The following CADM2 variants were observed in gnomAD, a reference collection of about 807,000 sequenced individuals.
CADM2 encodes cell adhesion molecule 2.
In CADM2, 12 loss-of-function variants were observed where a neutral mutation model predicts 49.8. The ratio of observed to expected loss-of-function variants is 0.24; its 90% CI spans 0.15 to 0.39. The LOEUF (loss-of-function observed/expected upper bound fraction) is 0.39, where lower values mean the gene tolerates loss of function less well. CADM2 is among the 10% of genes least tolerant of loss of function. The pLI, the probability that CADM2 is intolerant of heterozygous loss-of-function variation, is 1.00. For synonymous variants in CADM2, 214 were observed against 175.4 expected (o/e 1.22, Z -1.74); for missense variants, 378 against 492.3 (o/e 0.77, Z 2.20).
At chr3:85,823,987 A>T (rs2073759503) in intron 3 of CADM2, among the ~76,000 whole-genome samples, 1 of 152,158 alleles carries the variant, frequency 6.6e-6, no homozygotes, top group Non-Finnish European at 1.5e-5. Flanking sequence ...GAATTTAGAG[A>T]TTGCTTCAAA....
chr3:85,017,037 G>T (rs2034280443), intron 1 of CADM2, among the ~76,000 whole-genome samples: 1 of 152,166 alleles, frequency 6.6e-6, no homozygotes, highest in Non-Finnish European at 1.5e-5. Context: ...TAGGTTCTTT[G>T]TAATATCACT....
chr3:85,911,297 A>C (rs1248080474), intron 5 of CADM2, among the ~76,000 whole-genome samples: 1 of 152,190 alleles, frequency 6.6e-6, no homozygotes, highest in East Asian at 1.9e-4. Context: ...AGACTTGAGA[A>C]ATTACAAATT....
chr3:85,550,818 C>T (rs6783224), intron 1 of CADM2, among the ~76,000 whole-genome samples: 31,407 of 151,976 alleles, frequency 0.21, 3,862 homozygotes, highest in East Asian at 0.3. Context: ...CTCCTTTGCA[C>T]TCTGATTTCC....
intron 7 of CADM2, among the ~76,000 whole-genome samples, chr3:85,942,684 A>G (rs1577723879): frequency 6.6e-6 from 1 of 151,740 alleles, no homozygotes; most frequent in East Asian, 2.0e-4. Context: ...TTATGGCTGC[A>G]TAGTATTCCA....
At chr3:85,650,507 G>GAA (rs35050516) in intron 1 of CADM2, among the ~76,000 whole-genome samples, 50,345 of 141,744 alleles carry the variant, frequency 0.36, 9,020 homozygotes, top group East Asian at 0.61. Flanking sequence ...TAAGTGATCA[G>GAA]AAAAAAAAAA....
At chr3:85,201,117 G>A in intron 1 of CADM2, among the ~76,000 whole-genome samples, 1 of 152,032 alleles carries the variant, frequency 6.6e-6, no homozygotes, top group Non-Finnish European at 1.5e-5. Context: ...GATTGATTCT[G>A]CAAATGATTT....
chr3:85,591,872 C>T (rs138393140), intron 1 of CADM2, among the ~76,000 whole-genome samples: 75 of 152,038 alleles, frequency 4.9e-4, no homozygotes, highest in African/African-American at 1.7e-3. Flanking sequence ...GACTGATGAG[C>T]AGAAATTTGC....
chr3:85,418,497 T>C (rs1478309677), intron 1 of CADM2, among the ~76,000 whole-genome samples: 2 of 152,144 alleles, frequency 1.3e-5, no homozygotes, highest in Admixed American at 6.5e-5. Context: ...CTTAAGTTTC[T>C]TATGGCAAAT....
chr3:85,890,698 T>TC (rs1428286315), intron 5 of CADM2, among the ~76,000 whole-genome samples: 3 of 151,764 alleles, frequency 2.0e-5, no homozygotes, highest in Non-Finnish European at 4.4e-5. Context: ...AAGACTTTTT[T>TC]TTTTCTTTTT....
chr3:85,910,797 G>A lies in CADM2; in HGVS notation c.530-1576G>A, dbSNP rs985256710. On this transcript the variant is annotated intron_variant, in intron 5 of 9. Coordinates refer to ENST00000383699, the MANE Select transcript of CADM2 (RefSeq NM_001167675.2). The stretch of plus-strand genomic sequence containing the variant: ...TGTGAAACTATAAACATATTTTCAA[G>A]AACAAGACATATCACATCTATCATT... 7.2e-5 allele frequency among the ~76,000 whole-genome samples: 11 copies of A among 152,002 alleles called. No individual in the cohort carries two copies. In the East Asian group the frequency reaches 2.1e-3, roughly 29 times the overall value.
At chr3:85,918,882 T>C (rs1718734001) in intron 6 of CADM2, among the ~76,000 whole-genome samples, 1 of 152,122 alleles carries the variant, frequency 6.6e-6, no homozygotes, top group Admixed American at 6.6e-5. Flanking sequence ...ACATATTGTA[T>C]GAGTCAGATA....
intron 1 of CADM2, among the ~76,000 whole-genome samples, chr3:85,148,805 A>G (rs1481948472): frequency 6.6e-6 from 1 of 152,170 alleles, no homozygotes; most frequent in Non-Finnish European, 1.5e-5. Flanking sequence ...AAGTATATTT[A>G]CTATTCATTA....
intron 1 of CADM2, among the ~76,000 whole-genome samples, chr3:85,078,625 T>A (rs2037041207): frequency 6.6e-6 from 1 of 151,818 alleles, no homozygotes; most frequent in South Asian, 2.1e-4. Flanking sequence ...CATTCATAAC[T>A]TTCATTCACA....
chr3:85,280,998 G>C (rs2043485901), intron 1 of CADM2, among the ~76,000 whole-genome samples: 1 of 151,592 alleles, frequency 6.6e-6, no homozygotes, highest in Non-Finnish European at 1.5e-5. Context: ...ATAAGTTCAG[G>C]AAAAAAATAA....
intron 1 of CADM2, among the ~76,000 whole-genome samples, chr3:85,554,190 G>A (rs186251836): frequency 9.1e-4 from 138 of 152,222 alleles, no homozygotes; most frequent in Non-Finnish European, 1.6e-3. Flanking sequence ...ACATCATCAG[G>A]CATTAGTTAG....
intron 1 of CADM2, among the ~76,000 whole-genome samples, chr3:85,367,385 A>C (rs993797937): frequency 6.6e-6 from 1 of 151,954 alleles, no homozygotes; most frequent in South Asian, 2.1e-4. Flanking sequence ...TAGAAATGCA[A>C]TAATACCAAG....
At chr3:85,173,505 C>G (rs1161185373) in intron 1 of CADM2, among the ~76,000 whole-genome samples, 1 of 152,094 alleles carries the variant, frequency 6.6e-6, no homozygotes, top group African/African-American at 2.4e-5. Context: ...TATAATGTCT[C>G]TAACATCATT....
At chr3:85,490,443 G>T (rs972936959) in intron 1 of CADM2, among the ~76,000 whole-genome samples, 12 of 152,030 alleles carry the variant, frequency 7.9e-5, no homozygotes, top group African/African-American at 2.9e-4. Context: ...ATCAGCCTGG[G>T]TGTGGTGGCT....
chr3:86,014,980 A>G (rs1227268345), intron 8 of CADM2: 1 of 1,238,620 alleles, frequency 8.1e-7, no homozygotes, highest in African/African-American at 1.5e-5. Flanking sequence ...TTGACAGACC[A>G]AAGTTCGAGT....
Sources: gnomAD v4.1 joint callset for allele counts (sites outside exome capture counted in the v4.1 genomes callset) on GRCh38, gnomAD v4.1.1 for gene constraint, MANE v1.5 for transcripts, NCBI Gene and HGNC (gene_info 2026-07-23, HGNC 2026-07-21) for gene names.